RBFOX1: variants seen among roughly 807,000 people sequenced by gnomAD.
RBFOX1 encodes the protein RNA binding fox-1 homolog 1, also known as RNA binding protein fox-1 homolog 1.
Under a neutral mutation model 57.7 loss-of-function variants are expected in RBFOX1, and 8 were observed. The ratio of observed to expected loss-of-function variants is 0.14; its 90% CI spans 0.08 to 0.25. The LOEUF (loss-of-function observed/expected upper bound fraction) is 0.25, where lower values mean the gene tolerates loss of function less well. Among genes scored for constraint, RBFOX1 ranks in the 10% least tolerant of loss-of-function variants. The pLI is 1.00. For missense variants in RBFOX1, 611 were observed against 548.5 expected (o/e 1.11, Z -1.14); for synonymous variants, 326 against 222.4 (o/e 1.47, Z -4.15).
chr16:7,100,756 A>G (rs1490787044), intron 4 of RBFOX1, among the ~76,000 whole-genome samples: 1 of 152,128 alleles, frequency 6.6e-6, no homozygotes, highest in African/African-American at 2.4e-5. Flanking sequence ...AAAAAGATCC[A>G]ATGGCCGTAA....
At chr16:5,370,905 C>A (rs1000785281) in intron 1 of RBFOX1, among the ~76,000 whole-genome samples, 1 of 152,202 alleles carries the variant, frequency 6.6e-6, no homozygotes, top group South Asian at 2.1e-4. Context: ...ATGAACTGAG[C>A]AGTGTCCATT....
intron 1 of RBFOX1, among the ~76,000 whole-genome samples, chr16:5,458,271 G>C (rs2068690020): frequency 6.6e-6 from 1 of 152,032 alleles, no homozygotes; most frequent in African/African-American, 2.4e-5. Flanking sequence ...GCTGCATGTA[G>C]TCATTTTCTA....
intron 9 of RBFOX1, among the ~76,000 whole-genome samples, chr16:7,603,621 C>T (rs972428451): frequency 1.3e-5 from 2 of 151,850 alleles, no homozygotes; most frequent in Non-Finnish European, 2.9e-5. Context: ...AGAGAGTTCT[C>T]CAAGAAGAAG....
intron 1 of RBFOX1, among the ~76,000 whole-genome samples, chr16:6,267,972 C>T (rs760835659): frequency 2.0e-5 from 3 of 152,156 alleles, no homozygotes; most frequent in Non-Finnish European, 4.4e-5. Context: ...GTAATTAACC[C>T]CTGTGTCTTG....
chr16:6,552,633 T>G (rs905103698), intron 2 of RBFOX1, among the ~76,000 whole-genome samples: 4 of 152,176 alleles, frequency 2.6e-5, no homozygotes, highest in Non-Finnish European at 5.9e-5. Context: ...CCTTCTGAAA[T>G]TTGGCATCCT....
intron 2 of RBFOX1, among the ~76,000 whole-genome samples, chr16:6,508,456 A>G (rs1775330033): frequency 6.6e-6 from 1 of 152,188 alleles, no homozygotes; most frequent in Non-Finnish European, 1.5e-5. Flanking sequence ...ACCACAGTAA[A>G]AAAAAATTCA....
At chr16:7,127,496 A>G (rs1257817409) in intron 4 of RBFOX1, among the ~76,000 whole-genome samples, 1 of 152,190 alleles carries the variant, frequency 6.6e-6, no homozygotes, top group Non-Finnish European at 1.5e-5. Context: ...GCAGTTTTTG[A>G]TGACAGGGAT....
intron 4 of RBFOX1, among the ~76,000 whole-genome samples, chr16:5,920,125 G>A (rs542192710): frequency 3.3e-5 from 5 of 152,114 alleles, no homozygotes; most frequent in Non-Finnish European, 5.9e-5. Flanking sequence ...TGGTAGAGAC[G>A]GGATTTCACC....
chr16:6,454,379 G>A (rs540017656), intron 2 of RBFOX1, among the ~76,000 whole-genome samples: 68 of 152,096 alleles, frequency 4.5e-4, no homozygotes, highest in African/African-American at 1.5e-3. Context: ...CAACATAGCA[G>A]AACCATATCT....
At chr16:6,786,130 G>GT (rs1371428066) in intron 3 of RBFOX1, among the ~76,000 whole-genome samples, 2 of 152,148 alleles carry the variant, frequency 1.3e-5, no homozygotes, top group Non-Finnish European at 2.9e-5. Flanking sequence ...GCATGACTTT[G>GT]GGTCCCCCTA....
intron 3 of RBFOX1, among the ~76,000 whole-genome samples, chr16:6,699,424 G>A (rs948151518): frequency 1.3e-5 from 2 of 151,846 alleles, no homozygotes; most frequent in Non-Finnish European, 2.9e-5. Context: ...ACCATGCTGC[G>A]TGTCTTTGAA....
At chr16:5,511,237 G>A (rs555587221) in intron 2 of RBFOX1, among the ~76,000 whole-genome samples, 48 of 152,322 alleles carry the variant, frequency 3.2e-4, no homozygotes, top group Admixed American at 7.2e-4. Context: ...CAATGGCTTG[G>A]CTGGCGGAAC....
At chr16:7,496,293 C>A (rs1403057718) in intron 4 of RBFOX1, among the ~76,000 whole-genome samples, 1 of 152,162 alleles carries the variant, frequency 6.6e-6, no homozygotes, top group Non-Finnish European at 1.5e-5. Flanking sequence ...CAGGCATGTG[C>A]CACCACATCT....
intron 3 of RBFOX1, among the ~76,000 whole-genome samples, chr16:5,736,445 G>A (rs1379167931): frequency 6.6e-6 from 1 of 152,048 alleles, no homozygotes; most frequent in East Asian, 1.9e-4. Context: ...ATATGGGGCT[G>A]CTGCTTGTCC....
chr16:5,793,327 C>A (rs1204999104), intron 3 of RBFOX1, among the ~76,000 whole-genome samples: 1 of 152,246 alleles, frequency 6.6e-6, no homozygotes, highest in African/African-American at 2.4e-5. Context: ...TTGTTTCTGT[C>A]TTTTCTTGTT....
At chr16:7,335,253 A>C (rs2096764669) in intron 4 of RBFOX1, among the ~76,000 whole-genome samples, 1 of 152,164 alleles carries the variant, frequency 6.6e-6, no homozygotes, top group African/African-American at 2.4e-5. Context: ...TCTTGACCTT[A>C]TGGGTTTCTT....
chr16:5,968,185 C>T (rs569630836), intron 4 of RBFOX1, among the ~76,000 whole-genome samples: 8 of 152,128 alleles, frequency 5.3e-5, no homozygotes, highest in Non-Finnish European at 1.2e-4. Context: ...AGCAATTCTG[C>T]TGTTTCAGCC....
At chr16:7,451,505 T>C (rs1385163569) in intron 4 of RBFOX1, among the ~76,000 whole-genome samples, 1 of 152,102 alleles carries the variant, frequency 6.6e-6, no homozygotes, top group Non-Finnish European at 1.5e-5. Context: ...GGCAACTTCA[T>C]GTATCAACTT....
At chr16:6,286,279 C>T (rs1233171490) in intron 1 of RBFOX1, among the ~76,000 whole-genome samples, 1 of 152,104 alleles carries the variant, frequency 6.6e-6, no homozygotes. Flanking sequence ...TTAAATGTAT[C>T]ATTAAAGACA....
Sources: allele counts gnomAD v4.1 joint callset (sites outside exome capture counted in the v4.1 genomes callset), GRCh38; gene constraint gnomAD v4.1.1; transcripts MANE v1.5; gene names NCBI Gene and HGNC (gene_info 2026-07-23, HGNC 2026-07-21).